Variants in REV3L observed in about 807,000 individuals in gnomAD.
REV3L encodes REV3 like, DNA directed polymerase zeta catalytic subunit, also known as DNA polymerase zeta catalytic subunit.
REV3L carries 69 observed loss-of-function variants against 299.4 expected under a neutral mutation model. That is an observed-to-expected ratio of 0.23 (90% CI 0.19 to 0.28). The LOEUF is 0.28. Ranked by LOEUF, REV3L falls within the 10% of genes least tolerant of loss-of-function variation. REV3L has a pLI of 1.00. For missense variants in REV3L, 3,128 were observed against 3,693.8 expected, an observed-to-expected ratio of 0.85 and a Z score of 3.97; for synonymous variants, 1,238 against 1,271.4, an observed-to-expected ratio of 0.97 and a Z score of 0.56.
rs77837982 is a variant in REV3L at position 111,331,529 on chromosome 6, T to G, written c.8034+147A>C. ...GTTCCTGAAGTGATTTCTTAGAAGA[T>G]TCTCATATCTTTGACTTTTTGAGAT... On this transcript the variant is annotated intron_variant, in intron 24 of 31. Coordinates refer to ENST00000368802, the MANE Select transcript of REV3L (RefSeq NM_001372078.1). 9.0e-5 allele frequency: 45 copies of G among 499,444 alleles called. No homozygotes were observed. In the East Asian group the frequency reaches 1.4e-3, roughly 16 times the overall value. The allele number at this position is 499,444 out of a possible 1,614,324, so 30.9% of individuals were successfully genotyped here.
chr6:111,333,703 T>C (rs941923644), intron 22 of REV3L, among the ~76,000 whole-genome samples: 1 of 152,086 alleles, frequency 6.6e-6, no homozygotes, highest in African/African-American at 2.4e-5. Flanking sequence ...CTCGAACTCC[T>C]GACCTCAGGT....
At chr6:111,474,859 A>G (rs1792720084) in intron 1 of REV3L, among the ~76,000 whole-genome samples, 1 of 152,084 alleles carries the variant, frequency 6.6e-6, no homozygotes, top group African/African-American at 2.4e-5. Context: ...AAAAATTACC[A>G]AACAGTATAC....
chr6:111,375,810 C>T lies in REV3L; in HGVS notation c.2545G>A (p.Glu849Lys). The change falls in exon 13 of 32, where the codon GAG (glutamate) becomes AAG (lysine). Residue 849 changes from glutamate to lysine, a missense_variant. Coordinates refer to ENST00000368802, the MANE Select transcript of REV3L (RefSeq NM_001372078.1). ...AAATTATCTTTTGTGGATCCAGTCTCACTACTTTTGGTAGAAGTCTCCTGA... is the reference window on the plus strand; with the variant it reads ...AAATTATCTTTTGTGGATCCAGTCTTACTACTTTTGGTAGAAGTCTCCTGA... ...GHQETSTKSS[E>K]TGSTKDNFIQ... The T allele has an allele frequency of 6.2e-7, 1 of 1,613,498 alleles. No homozygotes were observed. Among genetic ancestry groups the T allele is most frequent in the Non-Finnish European group, 8.5e-7 (1 of 1,179,742 alleles).
chr6:111,483,078 A>G lies in REV3L; in HGVS notation c.-190T>C. The G allele has an allele frequency of 3.2e-6, 2 of 633,692 alleles. No homozygotes were observed. Among genetic ancestry groups the G allele is most frequent in the Admixed American group, 4.3e-5 (1 of 23,176 alleles). 39.3% of individuals were successfully genotyped at this position (633,692 alleles called of 1,614,324 possible). On this transcript the variant is annotated 5_prime_UTR_variant, in exon 1 of 32. Coordinates refer to ENST00000368802, the MANE Select transcript of REV3L (RefSeq NM_001372078.1). The stretch of plus-strand genomic sequence containing the variant: ...GCGCTGCTGCCGCCGCCTCCTCAGG[A>G]GCACCCGGCAAGGGGCCGCAGGAGA...
At chr6:111,452,960 G>A (rs954592052) in intron 1 of REV3L, among the ~76,000 whole-genome samples, 4 of 151,986 alleles carry the variant, frequency 2.6e-5, no homozygotes, top group Non-Finnish European at 4.4e-5. Flanking sequence ...TAAGAATTAT[G>A]CAGTCAAGAT....
At chr6:111,389,727 ATTTTTTTTTTTTTTTTTTT>A (rs10713895) in intron 6 of REV3L, among the ~76,000 whole-genome samples, 1 of 81,340 alleles carries the variant, frequency 1.2e-5, no homozygotes, top group Non-Finnish European at 2.4e-5. Flanking sequence ...TTGGTCATTA[ATTTTTTTTTTTTTTTTTTT>A]TTTTTTTTTG....
chr6:111,366,406 G>C (rs1290695681), intron 14 of REV3L, among the ~76,000 whole-genome samples: 1 of 152,014 alleles, frequency 6.6e-6, no homozygotes, highest in Non-Finnish European at 1.5e-5. Flanking sequence ...TTTAGAGAAA[G>C]ATATAAAGAA....
At chr6:111,388,977 A>C in intron 7 of REV3L, 129 bp downstream of exon 7, 1 of 656,660 alleles carries the variant, frequency 1.5e-6, no homozygotes, top group South Asian at 2.1e-5. Context: ...TGACAACAAG[A>C]AAAATACATA....
intron 4 of REV3L, among the ~76,000 whole-genome samples, chr6:111,400,796 G>A (rs1251749358): frequency 6.6e-6 from 1 of 152,012 alleles, no homozygotes; most frequent in Non-Finnish European, 1.5e-5. Context: ...CCAAGACTGG[G>A]TACATTTTCC....
intron 26 of REV3L, chr6:111,315,757 GGCA>G (rs1176933572): frequency 5.2e-6 from 1 of 192,724 alleles, no homozygotes; most frequent in Non-Finnish European, 1.1e-5. Context: ...TCAGATCAGT[GGCA>G]GCATTAGATT....
intron 3 of REV3L, among the ~76,000 whole-genome samples, chr6:111,406,955 TATAA>T (rs1783701879): frequency 6.6e-6 from 1 of 152,200 alleles, no homozygotes; most frequent in Non-Finnish European, 1.5e-5. Context: ...ATCTCCATTT[TATAA>T]ATAAAGAAAT....
chr6:111,309,730 G>T, intron 30 of REV3L, 123 bp downstream of exon 30: 1 of 1,061,520 alleles, frequency 9.4e-7, no homozygotes, highest in Non-Finnish European at 1.3e-6. Context: ...ATCATTTTAC[G>T]GGACCACACT....
chr6:111,386,008 C>T (rs138747591), intron 9 of REV3L, among the ~76,000 whole-genome samples: 245 of 152,260 alleles, frequency 1.6e-3, no homozygotes, highest in African/African-American at 5.5e-3. Context: ...GCGTATGATA[C>T]AATGTGACTT....
At chr6:111,377,464 G>A (rs1216170927) in intron 12 of REV3L, among the ~76,000 whole-genome samples, 4 of 152,066 alleles carry the variant, frequency 2.6e-5, no homozygotes, top group Non-Finnish European at 5.9e-5. Context: ...AGCCTCCTGA[G>A]TAGCTGGGAC....
intron 20 of REV3L, among the ~76,000 whole-genome samples, chr6:111,347,953 C>G (rs1438559425): frequency 6.6e-6 from 1 of 152,168 alleles, no homozygotes; most frequent in Non-Finnish European, 1.5e-5. Flanking sequence ...TAGGCACATG[C>G]TACCATACAT....
intron 21 of REV3L, among the ~76,000 whole-genome samples, chr6:111,339,557 A>G (rs1776270679): frequency 6.6e-6 from 1 of 152,130 alleles, no homozygotes; most frequent in African/African-American, 2.4e-5. Flanking sequence ...TAACCAAGTA[A>G]TATAAACAAA....
intron 31 of REV3L, among the ~76,000 whole-genome samples, chr6:111,304,544 A>C (rs925189375): frequency 6.6e-6 from 1 of 152,178 alleles, no homozygotes; most frequent in African/African-American, 2.4e-5. Flanking sequence ...GTTCTTGAAA[A>C]ACACCTCAAA....
At chr6:111,416,104 T>C (rs1784741404) in intron 2 of REV3L, among the ~76,000 whole-genome samples, 179 bp downstream of exon 2, 2 of 152,198 alleles carry the variant, frequency 1.3e-5, no homozygotes, top group Admixed American at 1.3e-4. Context: ...CAAAAATCAC[T>C]GTTGACTCTC....
intron 26 of REV3L, among the ~76,000 whole-genome samples, chr6:111,316,501 TA>T (rs1773534068): frequency 1.3e-5 from 2 of 151,574 alleles, no homozygotes; most frequent in South Asian, 4.2e-4. Flanking sequence ...CCGTCTCTAC[TA>T]AAAAAATACA....
Sources: gnomAD v4.1 joint callset for allele counts (sites outside exome capture counted in the v4.1 genomes callset) on GRCh38, gnomAD v4.1.1 for gene constraint, MANE v1.5 for transcripts, NCBI Gene and HGNC (gene_info 2026-07-23, HGNC 2026-07-21) for gene names.